The following LDLRAP1 variants were observed in gnomAD, a reference collection of about 807,000 sequenced individuals.
LDLRAP1 encodes low density lipoprotein receptor adaptor protein 1.
Under a neutral mutation model 37.8 loss-of-function variants are expected in LDLRAP1, and 30 were observed. The observed-to-expected ratio is 0.79, with a 90% CI of 0.59 to 1.08. The LOEUF is 1.08. Ranked by LOEUF, LDLRAP1 falls within the 50% of genes least tolerant of loss-of-function variation. The pLI is 0.00. For missense variants in LDLRAP1, 375 were observed against 401.6 expected (o/e 0.93, Z 0.57); for synonymous variants, 156 against 169.8 (o/e 0.92, Z 0.63).
At chr1:25,553,054 T>G (rs2044112200) in intron 1 of LDLRAP1, among the ~76,000 whole-genome samples, 2 of 143,656 alleles carry the variant, frequency 1.4e-5, no homozygotes, top group Non-Finnish European at 1.5e-5. Flanking sequence ...ACCCTTACCC[T>G]TCCCTGCTCT....
chr1:25,574,292 G>A, the LDLRAP1 span, among the ~76,000 whole-genome samples: 1 of 152,246 alleles, frequency 6.6e-6, no homozygotes, highest in African/African-American at 2.4e-5. Flanking sequence ...CAGACCTGCT[G>A]TGCAGGGCTC....
intron 1 of LDLRAP1, among the ~76,000 whole-genome samples, chr1:25,548,803 G>A (rs2044002281): frequency 6.6e-6 from 1 of 152,116 alleles, no homozygotes; most frequent in African/African-American, 2.4e-5. Flanking sequence ...TAGAACTACA[G>A]GTGCACACTG....
rs778909774 is a variant in LDLRAP1 at position 25,553,938 on chromosome 1, G to C, written c.105G>C (p.Trp35Cys). The C allele has an allele frequency of 8.1e-6, 13 of 1,613,812 alleles. No individual in the cohort carries two copies. Among genetic ancestry groups the C allele is most frequent in the Non-Finnish European group, 1.1e-5 (13 of 1,179,990 alleles). Residue 35 changes from tryptophan to cysteine, a missense_variant, in exon 2 of 9, where the codon TGG (tryptophan) becomes TGC (cysteine). By Grantham distance (215) the Trp-to-Cys change is radical. Transcript: ENST00000374338. ...CTACCCCAGAGCTGCCTGAGAACTG[G>C]ACAGACACGCGGGAGACGCTGCTGG... ...GGRHRKLPEN[W>C]TDTRETLLEG...
At position 25,543,771 on chromosome 1, in the gene LDLRAP1, G is replaced by A. The variant is rs1400993278; in HGVS notation, c.73G>A (p.Gly25Ser). The change falls in exon 1 of 9, where the codon GGT (glycine) becomes AGT (serine). Residue 25 changes from glycine (G) to serine (S), a missense_variant. Transcript: ENST00000374338. ...CTTGGCCAAGCAGAGCTGGGGGGGC[G>A]GTGGCCGGCACCGCAGTGAGTGTGC... ...PSLAKQSWGG[G>S]GRHRKLPENW... 1 of 1,208,972 alleles carries A rather than the reference G, an allele frequency of 8.3e-7. No homozygotes were observed. The highest frequency in any genetic ancestry group is 4.4e-5 in the Admixed American group (1 of 22,838). 74.9% of individuals were successfully genotyped at this position (1,208,972 alleles called of 1,614,324 possible). A position where few individuals can be genotyped will look rare whatever the true frequency, so the allele number is the denominator to read the frequency against.
At chr1:25,578,689 A>T in the LDLRAP1 span, among the ~76,000 whole-genome samples, 3 of 151,958 alleles carry the variant, frequency 2.0e-5, no homozygotes, top group African/African-American at 7.3e-5. Context: ...GCTAATTTAT[A>T]TATTTTTTGT....
the LDLRAP1 span, among the ~76,000 whole-genome samples, chr1:25,579,159 T>C: frequency 6.6e-6 from 1 of 152,178 alleles, no homozygotes; most frequent in African/African-American, 2.4e-5. Flanking sequence ...TGACATCACT[T>C]AACCTGGAGT....
intron 7 of LDLRAP1, 63 bp downstream of exon 7, chr1:25,563,854 C>A (rs1362517558): frequency 1.2e-6 from 2 of 1,606,920 alleles, no homozygotes; most frequent in African/African-American, 1.3e-5. Flanking sequence ...GAGCCTGGGG[C>A]TGCTCCAGGG....
chr1:25,562,839 C>G, intron 5 of LDLRAP1, 123 bp downstream of exon 5: 1 of 882,550 alleles, frequency 1.1e-6, no homozygotes, highest in Non-Finnish European at 1.8e-6. Flanking sequence ...GTGAGCAGGT[C>G]CCTTCACCGC....
At chr1:25,570,239 T>C (rs2044585250), downstream of LDLRAP1, among the ~76,000 whole-genome samples, 1 of 152,142 alleles carries the variant, frequency 6.6e-6, no homozygotes, top group Non-Finnish European at 1.5e-5. Context: ...AAGTTTATCT[T>C]TCGGTTTAAA....
chr1:25,569,440 G>A (rs1483679977), downstream of LDLRAP1, among the ~76,000 whole-genome samples: 1 of 152,106 alleles, frequency 6.6e-6, no homozygotes, highest in East Asian at 1.9e-4. Context: ...GAGAGACTCA[G>A]GGTCTAGCCC....
At chr1:25,548,700 G>T (rs1364890419) in intron 1 of LDLRAP1, among the ~76,000 whole-genome samples, 1 of 152,016 alleles carries the variant, frequency 6.6e-6, no homozygotes, top group Admixed American at 6.5e-5. Context: ...TTGAGACAAG[G>T]TCTCACTCTA....
chr1:25,556,083 G>A (rs1243643845), intron 3 of LDLRAP1, among the ~76,000 whole-genome samples: 3 of 152,106 alleles, frequency 2.0e-5, no homozygotes, highest in Non-Finnish European at 4.4e-5. Flanking sequence ...TGGAGAAGAG[G>A]TAGGCAGGGA....
chr1:25,553,841 A>G lies in LDLRAP1; in HGVS notation c.89-81A>G, dbSNP rs1250678226. On this transcript the variant is annotated intron_variant, in intron 1 of 8. Coordinates refer to ENST00000374338, the MANE Select transcript of LDLRAP1 (RefSeq NM_015627.3). ...CCCATCCCCCTTGCTGGGGTTTCCT[A>G]GGAAAGAAGGCTGGTGAGAGCTGTT... The G allele has an allele frequency of 5.8e-6, 9 of 1,551,128 alleles. No individual in the cohort carries two copies. The East Asian group carries it at 1.8e-4, about 32-fold the overall frequency.
chr1:25,559,664 C>T lies in LDLRAP1; in HGVS notation c.459+2397C>T, dbSNP rs557075689. Among the ~76,000 whole-genome samples, 83 of 152,358 alleles carry T rather than the reference C, an allele frequency of 5.4e-4. 1 individual carries two copies. The highest frequency in any genetic ancestry group is 1.9e-3 in the African/African-American group (81 of 41,586). On this transcript the variant is annotated intron_variant, in intron 4 of 8. Transcript: ENST00000374338. ...CCCTCTCCAAGACAGCGCAGCCCAG[C>T]ATGGTGTAAATACATCACCTGCTAC...
the LDLRAP1 span, among the ~76,000 whole-genome samples, chr1:25,585,345 A>G: frequency 7.0e-6 from 1 of 143,826 alleles, no homozygotes. Flanking sequence ...TTTTTTTTTG[A>G]GACGGAGTCT....
chr1:25,573,959 T>C, the LDLRAP1 span, among the ~76,000 whole-genome samples: 2 of 152,124 alleles, frequency 1.3e-5, no homozygotes, highest in Non-Finnish European at 2.9e-5. Context: ...CAAATATGTA[T>C]AAATATTTGT....
intron 4 of LDLRAP1, 141 bp downstream of exon 4, chr1:25,557,408 G>A: frequency 1.4e-6 from 1 of 693,860 alleles, no homozygotes; most frequent in African/African-American, 1.8e-5. Flanking sequence ...GGAACCCCAA[G>A]TGGGTGCCGA....
At position 25,554,216 on chromosome 1, in the gene LDLRAP1, C is replaced by A; in HGVS notation, c.231+152C>A. 1 of 988,634 alleles carries A rather than the reference C, an allele frequency of 1.0e-6. No individual in the cohort carries two copies. Among genetic ancestry groups the A allele is most frequent in the Non-Finnish European group, 1.5e-6 (1 of 665,966 alleles). 61.2% of individuals were successfully genotyped at this position (988,634 alleles called of 1,614,324 possible). ...CTTCCATCCAGCTTTTGGGCCTTGGCAGAGGGGAACCATTGGACTTGCAAG... is the reference window on the plus strand; with the variant it reads ...CTTCCATCCAGCTTTTGGGCCTTGGAAGAGGGGAACCATTGGACTTGCAAG... On this transcript the variant is annotated intron_variant, in intron 2 of 8. Transcript: ENST00000374338. The surrounding 1 kb of genome is among the most constrained non-coding windows in gnomAD (Gnocchi z 5.4).
chr1:25,583,383 G>C, the LDLRAP1 span, among the ~76,000 whole-genome samples: 1 of 151,784 alleles, frequency 6.6e-6, no homozygotes, highest in Non-Finnish European at 1.5e-5. Flanking sequence ...AGTAGAGATG[G>C]GGTTTCGCCA....
Sources: allele counts gnomAD v4.1 joint callset (sites outside exome capture counted in the v4.1 genomes callset), GRCh38; gene constraint gnomAD v4.1.1; non-coding constraint Gnocchi (gnomAD v3.1); transcripts MANE v1.5; gene names NCBI Gene and HGNC (gene_info 2026-07-23, HGNC 2026-07-21).